The following KIAA0825 variants were observed in gnomAD, a reference collection of about 807,000 sequenced individuals.
KIAA0825 encodes the protein uncharacterized protein KIAA0825.
A neutral mutation model predicts 147.6 loss-of-function variants in KIAA0825; 119 were observed. The ratio of observed to expected loss-of-function variants is 0.81; its 90% CI spans 0.69 to 0.94. KIAA0825 has a LOEUF of 0.94. Among genes scored for constraint, KIAA0825 ranks in the 40% least tolerant of loss-of-function variants. KIAA0825 has a pLI of 0.00. For missense variants in KIAA0825, 1,381 were observed against 1,472.7 expected (o/e 0.94, Z 1.02); for synonymous variants, 470 against 518.1 (o/e 0.91, Z 1.26).
At chr5:94,333,998 A>C (rs1002100504) in intron 20 of KIAA0825, among the ~76,000 whole-genome samples, 11 of 152,248 alleles carry the variant, frequency 7.2e-5, no homozygotes, top group African/African-American at 2.7e-4. Context: ...GATAGGAAGA[A>C]TCAATATCAT....
Position 94,403,752 on chromosome 5 carries a change from A to G in KIAA0825, c.2704T>C (p.Leu902=). The change falls in exon 16 of 21, where the codon TTG becomes CTG. Residue 902 remains leucine, a synonymous_variant. Coordinates refer to ENST00000682413, the MANE Select transcript of KIAA0825 (RefSeq NM_001145678.3). ...VEYELEVIRC[L]RLALTDAIKD... ...ATGGCATCGGTCAGTGCCAGTCTCA[A>G]GCATCGGATGACCTCTAGCTCGTAC... 1.3e-6 allele frequency: 2 copies of G among 1,551,554 alleles called. No individual in the cohort carries two copies. Among genetic ancestry groups the G allele is most frequent in the South Asian group, 2.4e-5 (2 of 84,056 alleles).
chr5:94,201,986 T>TG (rs755828836), intron 20 of KIAA0825, among the ~76,000 whole-genome samples: 1 of 152,068 alleles, frequency 6.6e-6, no homozygotes, highest in African/African-American at 2.4e-5. Context: ...AGACGTCACT[T>TG]GGGGGATGAT....
intron 2 of KIAA0825, chr5:94,568,290 C>A (rs375920465): frequency 1.9e-5 from 3 of 158,574 alleles, no homozygotes; most frequent in African/African-American, 7.2e-5. Context: ...CCCTTCCTCA[C>A]GGGCTTCTAT....
chr5:94,517,009 G>C (rs1767375043), intron 5 of KIAA0825, among the ~76,000 whole-genome samples: 1 of 152,168 alleles, frequency 6.6e-6, no homozygotes. Context: ...CCTGAGGCAG[G>C]AGAATCGCTT....
In KIAA0825 at chr5:94,337,952, C is replaced by T. The variant is rs576832161; in HGVS notation, c.3710+46416G>A. Among the ~76,000 whole-genome samples the T allele has an allele frequency of 5.9e-5, 9 of 152,232 alleles. No individual in the cohort carries two copies. The East Asian group carries it at 1.3e-3, about 23-fold the overall frequency. ...TAGACAGAAGAACAGAGGCCAGTTA[C>T]GAGCTCCTGAAGTAATCTGCATAGG... On this transcript the variant is annotated intron_variant, in intron 20 of 20. Transcript: ENST00000682413.
intron 5 of KIAA0825, among the ~76,000 whole-genome samples, chr5:94,516,838 C>T (rs1292284168): frequency 6.6e-6 from 1 of 151,474 alleles, no homozygotes; most frequent in Admixed American, 6.6e-5. Flanking sequence ...CGGTGGCTCA[C>T]ACCTGTAACC....
chr5:94,173,382 C>T (rs987167096), intron 20 of KIAA0825, among the ~76,000 whole-genome samples: 3 of 152,154 alleles, frequency 2.0e-5, no homozygotes, highest in African/African-American at 7.2e-5. Context: ...GATTGGGAGA[C>T]ACTCATCTGA....
intron 1 of KIAA0825, among the ~76,000 whole-genome samples, chr5:94,614,981 G>C (rs950505022): frequency 6.6e-6 from 1 of 151,088 alleles, no homozygotes; most frequent in East Asian, 1.9e-4. Flanking sequence ...CCCACTTAAC[G>C]CTCACAGCAA....
intron 20 of KIAA0825, among the ~76,000 whole-genome samples, chr5:94,248,783 GT>G (rs1420090644): frequency 1.3e-5 from 2 of 152,036 alleles, no homozygotes; most frequent in Non-Finnish European, 2.9e-5. Flanking sequence ...CCTGAACTAC[GT>G]TTTTTCCCCT....
chr5:94,589,238 G>A (rs1292806118), intron 1 of KIAA0825, among the ~76,000 whole-genome samples: 1 of 152,130 alleles, frequency 6.6e-6, no homozygotes, highest in Non-Finnish European at 1.5e-5. Context: ...GTTGATTTGG[G>A]GTTGGGGCCT....
chr5:94,372,623 G>T (rs1049571780), intron 20 of KIAA0825, among the ~76,000 whole-genome samples: 2 of 152,208 alleles, frequency 1.3e-5, no homozygotes, highest in African/African-American at 4.8e-5. Flanking sequence ...ACAGAGGAGG[G>T]GGGCCCTGGG....
chr5:94,481,643 C>T (rs1310715626), intron 6 of KIAA0825, among the ~76,000 whole-genome samples: 2 of 152,060 alleles, frequency 1.3e-5, no homozygotes, highest in Non-Finnish European at 2.9e-5. Context: ...ATGAGCTTTA[C>T]AAACCCTAGG....
chr5:94,464,058 TC>T (rs1297900759), intron 11 of KIAA0825, among the ~76,000 whole-genome samples: 2 of 65,872 alleles, frequency 3.0e-5, no homozygotes, highest in African/African-American at 1.3e-4. Context: ...AAATGATTCC[TC>T]CTGCCAAAAA....
chr5:94,537,869 C>G (rs989529401), intron 2 of KIAA0825, among the ~76,000 whole-genome samples: 2 of 152,126 alleles, frequency 1.3e-5, no homozygotes, highest in South Asian at 2.1e-4. Context: ...TGAAGCTTCA[C>G]CCCACTGGGT....
chr5:94,300,095 T>A (rs1345149827), intron 20 of KIAA0825, among the ~76,000 whole-genome samples: 1 of 152,058 alleles, frequency 6.6e-6, no homozygotes, highest in Non-Finnish European at 1.5e-5. Flanking sequence ...ACATAATATC[T>A]CACCTAATAC....
intron 20 of KIAA0825, among the ~76,000 whole-genome samples, chr5:94,340,633 T>C (rs1245932712): frequency 1.3e-5 from 2 of 152,182 alleles, no homozygotes; most frequent in Non-Finnish European, 2.9e-5. Context: ...CCTGTTGCAG[T>C]GAAATATAAT....
At chr5:94,161,274 G>T (rs1475651350) in intron 20 of KIAA0825, among the ~76,000 whole-genome samples, 1 of 152,188 alleles carries the variant, frequency 6.6e-6, no homozygotes, top group African/African-American at 2.4e-5. Flanking sequence ...GGTAGCAGCA[G>T]TTCTGTTTAG....
At chr5:94,585,690 T>A (rs2152376910) in intron 1 of KIAA0825, among the ~76,000 whole-genome samples, 1 of 152,194 alleles carries the variant, frequency 6.6e-6, no homozygotes, top group Non-Finnish European at 1.5e-5. Context: ...CCAACCGGGC[T>A]TAATAGATAT....
chr5:94,234,319 C>T (rs551244325), intron 20 of KIAA0825, among the ~76,000 whole-genome samples: 27 of 150,804 alleles, frequency 1.8e-4, no homozygotes, highest in African/African-American at 5.4e-4. Flanking sequence ...TGCAGTGAGC[C>T]GAGATCGCGC....
Sources: gnomAD v4.1 joint callset for allele counts (sites outside exome capture counted in the v4.1 genomes callset) on GRCh38, gnomAD v4.1.1 for gene constraint, MANE v1.5 for transcripts, NCBI Gene and HGNC (gene_info 2026-07-23, HGNC 2026-07-21) for gene names.